AATF: variants seen among roughly 807,000 people sequenced by gnomAD.
AATF encodes the protein protein AATF.
Under a neutral mutation model 63.7 loss-of-function variants are expected in AATF, and 48 were observed. The ratio of observed to expected loss-of-function variants is 0.75; its 90% confidence interval spans 0.60 to 0.96. The LOEUF is 0.96. Among genes scored for constraint, AATF ranks in the 40% least tolerant of loss-of-function variants. AATF has a pLI of 0.00. For synonymous variants in AATF, 258 were observed against 247.7 expected (o/e 1.04, Z -0.39); for missense variants, 639 against 685.7 (o/e 0.93, Z 0.76).
At chr17:37,020,773 C>A (rs1428780661) in intron 9 of AATF, among the ~76,000 whole-genome samples, 161 bp from the exon 10 acceptor site, 1 of 151,896 alleles carries the variant, frequency 6.6e-6, no homozygotes. Context: ...TTGCACAAAT[C>A]CTGTTCAATT....
intron 8 of AATF, among the ~76,000 whole-genome samples, chr17:36,993,388 C>A (rs1239407417): frequency 6.6e-6 from 1 of 152,120 alleles, no homozygotes; most frequent in Non-Finnish European, 1.5e-5. Context: ...GTGGTGATGC[C>A]AGGCCCTTGA....
At chr17:36,956,650 G>A (rs912166946) in intron 4 of AATF, among the ~76,000 whole-genome samples, 2 of 147,430 alleles carry the variant, frequency 1.4e-5, no homozygotes, top group Non-Finnish European at 3.0e-5. Context: ...TCCAGCCTGG[G>A]CAACAAGAGT....
chr17:36,980,356 T>G (rs2071113015), intron 4 of AATF: 1 of 152,166 alleles, frequency 6.6e-6, no homozygotes, highest in South Asian at 2.1e-4. Context: ...CTTCTTAATC[T>G]CCTCTTAAGG....
chr17:37,051,520 G>A (rs75413543), intron 11 of AATF, among the ~76,000 whole-genome samples: 6,254 of 152,152 alleles, frequency 0.041, 425 homozygotes, highest in African/African-American at 0.14. Flanking sequence ...TCCACACATC[G>A]GTGAGGGGCT....
At chr17:36,988,858 C>G (rs914227736) in intron 6 of AATF, 138 bp downstream of exon 6, 13 of 873,364 alleles carry the variant, frequency 1.5e-5, no homozygotes, top group Non-Finnish European at 2.2e-5. Flanking sequence ...ATAGCAAAAT[C>G]TACTGAACTT....
chr17:36,955,797 C>T lies in AATF; in HGVS notation c.832+1890C>T, dbSNP rs113322835. 1.3e-3 allele frequency among the ~76,000 whole-genome samples: 194 copies of T among 152,274 alleles called. 1 individual carries two copies. The highest frequency in any genetic ancestry group is 4.5e-3 in the African/African-American group (189 of 41,554). The stretch of plus-strand genomic sequence containing the variant: ...TTTTGTTATGAGACAGGGTCTTGCT[C>T]TGTTGCCCAGGCTGGAGTGCAGTAG... On this transcript the variant is annotated intron_variant, in intron 4 of 11. Transcript: ENST00000619387.
At position 36,949,057 on chromosome 17, in the gene AATF, A is replaced by G; in HGVS notation, c.-69A>G. On this transcript the variant is annotated 5_prime_UTR_variant, in exon 1 of 12. Coordinates refer to ENST00000619387, the MANE Select transcript of AATF (RefSeq NM_012138.4). Reference sequence around the variant, plus strand: ...AGGCGAGAGGATCCGGCAGGGAAGGAGCTTCGGGGCCGGGGGTTGGGCCGC... The same window carrying G: ...AGGCGAGAGGATCCGGCAGGGAAGGGGCTTCGGGGCCGGGGGTTGGGCCGC... 7.4e-7 allele frequency: 1 copy of G among 1,349,526 alleles called. No homozygotes were observed. Among genetic ancestry groups the G allele is most frequent in the Non-Finnish European group, 1.0e-6 (1 of 975,714 alleles). The allele number at this position is 1,349,526 out of a possible 1,614,324, so 83.6% of individuals were successfully genotyped here. A position where few individuals can be genotyped will look rare whatever the true frequency, so the allele number is the denominator to read the frequency against.
Position 36,990,666 on chromosome 17 carries a change from A to C in AATF, c.1315-108A>C. 5 of 726,712 alleles carry C rather than the reference A, an allele frequency of 6.9e-6. No homozygotes were observed. The South Asian group carries it at 7.9e-5, about 12-fold the overall frequency. The allele number at this position is 726,712 out of a possible 1,614,324, so 45.0% of individuals were successfully genotyped here. A position where few individuals can be genotyped will look rare whatever the true frequency, so the allele number is the denominator to read the frequency against. On this transcript the variant is annotated intron_variant, in intron 7 of 11. Transcript: ENST00000619387. ...TTTTTTAATTTTAAGAACTTTTTATATCTTAAGGAAAACAGTGCTTTGACT... is the reference window on the plus strand; with the variant it reads ...TTTTTTAATTTTAAGAACTTTTTATCTCTTAAGGAAAACAGTGCTTTGACT...
At position 36,953,108 on chromosome 17, in the gene AATF, G is replaced by A; in HGVS notation, c.506G>A (p.Ser169Asn). ...KFTKGMDDLG[S>N]SEEEEDEESG... The stretch of plus-strand genomic sequence containing the variant: ...ACCAAGGGAATGGATGACCTTGGGA[G>A]CAGTGAGGAGGAGGAAGACGAAGAG... Residue 169 changes from serine (S) to asparagine (N), a missense_variant, in exon 3 of 12, where the codon AGC (serine) becomes AAC (asparagine). Transcript: ENST00000619387. The A allele has an allele frequency of 6.2e-7, 1 of 1,614,194 alleles. No homozygotes were observed. Among genetic ancestry groups the A allele is most frequent in the Non-Finnish European group, 8.5e-7 (1 of 1,180,040 alleles).
At chr17:36,961,834 C>T (rs953134739) in intron 4 of AATF, among the ~76,000 whole-genome samples, 3 of 152,102 alleles carry the variant, frequency 2.0e-5, no homozygotes, top group African/African-American at 7.2e-5. Context: ...ACCACCGTGC[C>T]TGGCTAATTT....
chr17:36,990,057 T>TGGG (rs1392802300), intron 7 of AATF, among the ~76,000 whole-genome samples: 1 of 121,594 alleles, frequency 8.2e-6, no homozygotes, highest in Non-Finnish European at 2.0e-5. Flanking sequence ...TTTGGGTCTT[T>TGGG]TCTATTTGTG....
At chr17:37,013,045 A>T (rs1157781024) in intron 8 of AATF, among the ~76,000 whole-genome samples, 1 of 152,232 alleles carries the variant, frequency 6.6e-6, no homozygotes, top group African/African-American at 2.4e-5. Flanking sequence ...CTCTCAAGAA[A>T]GCAAAAAGAC....
intron 11 of AATF, among the ~76,000 whole-genome samples, chr17:37,034,380 GA>G (rs1187872656): frequency 6.6e-6 from 1 of 151,824 alleles, no homozygotes; most frequent in African/African-American, 2.4e-5. Context: ...TTTTTTAGTG[GA>G]AAAACAAAAG....
Position 37,031,677 on chromosome 17 carries a change from T to C in AATF, c.1611T>C (p.Asp537=). 1 of 1,613,642 alleles carries C rather than the reference T, an allele frequency of 6.2e-7. No homozygotes were observed. Among genetic ancestry groups the C allele is most frequent in the East Asian group, 2.2e-5 (1 of 44,894 alleles). ...CTATTGACCATACTACAATGAATGA[T>C]GATGCCAGGTGAGTAATAGATTAAT... is the stretch of plus-strand genomic sequence containing the variant. ...MAPIDHTTMN[D]DARTELYRSL... is the part of the protein sequence containing the mutation. The change falls in exon 11 of 12, where the codon GAT becomes GAC. Residue 537 remains aspartate, a synonymous_variant. Coordinates refer to ENST00000619387, the MANE Select transcript of AATF (RefSeq NM_012138.4).
At chr17:36,982,580 C>T (rs1365836155) in intron 4 of AATF, among the ~76,000 whole-genome samples, 1 of 152,086 alleles carries the variant, frequency 6.6e-6, no homozygotes, top group Non-Finnish European at 1.5e-5. Context: ...GTCTCCATCT[C>T]CTGACCTCGT....
intron 4 of AATF, among the ~76,000 whole-genome samples, chr17:36,980,805 C>T (rs2071117338): frequency 6.6e-6 from 1 of 151,916 alleles, no homozygotes; most frequent in South Asian, 2.1e-4. Flanking sequence ...GAAATGCAGC[C>T]CTAATATTGC....
intron 4 of AATF, among the ~76,000 whole-genome samples, chr17:36,986,225 C>T (rs2071167649): frequency 6.6e-6 from 1 of 152,142 alleles, no homozygotes; most frequent in South Asian, 2.1e-4. Flanking sequence ...AGGAATAGTC[C>T]AGGAGGTCAG....
At chr17:36,989,524 A>G (rs2071197097) in intron 7 of AATF, 113 bp downstream of exon 7, 2 of 1,119,338 alleles carry the variant, frequency 1.8e-6, no homozygotes, top group Admixed American at 5.5e-5. Context: ...GAGAAAGGAA[A>G]GCAACACTAC....
chr17:36,972,110 A>G (rs1005575094), intron 4 of AATF, among the ~76,000 whole-genome samples: 8 of 152,106 alleles, frequency 5.3e-5, no homozygotes, highest in African/African-American at 9.7e-5. Flanking sequence ...AACTCTGGGA[A>G]TATTTCTTAT....
Sources: gnomAD v4.1 joint callset for allele counts (sites outside exome capture counted in the v4.1 genomes callset) on GRCh38, gnomAD v4.1.1 for gene constraint, MANE v1.5 for transcripts, NCBI Gene and HGNC (gene_info 2026-07-23, HGNC 2026-07-21) for gene names.